Variants in VPS13B observed in about 807,000 individuals in gnomAD.
VPS13B encodes intermembrane lipid transfer protein VPS13B.
A neutral mutation model predicts 426.4 loss-of-function variants in VPS13B; 285 were observed. The observed-to-expected ratio is 0.67, with a 90% CI of 0.61 to 0.74. The LOEUF (loss-of-function observed/expected upper bound fraction) is 0.74, where lower values mean the gene tolerates loss of function less well. Ranked by LOEUF, VPS13B falls within the 30% of genes least tolerant of loss-of-function variation. The pLI, the probability that VPS13B is intolerant of heterozygous loss-of-function variation, is 0.00. For missense variants in VPS13B, 4,537 were observed against 4,782.6 expected (o/e 0.95, Z 1.51); for synonymous variants, 1,676 against 1,676.4 (o/e 1.00, Z 0.01).
At chr8:99,824,374 G>A (rs1814545906) in intron 51 of VPS13B, among the ~76,000 whole-genome samples, 1 of 152,208 alleles carries the variant, frequency 6.6e-6, no homozygotes, top group Non-Finnish European at 1.5e-5. Flanking sequence ...CAGGCAAAAG[G>A]CTAGGGCCTA....
At chr8:99,681,031 A>G (rs957121406) in intron 35 of VPS13B, among the ~76,000 whole-genome samples, 9 of 152,052 alleles carry the variant, frequency 5.9e-5, no homozygotes. Context: ...ATTTTTGCAT[A>G]TTTTTTTCTA....
Position 99,871,573 on chromosome 8 carries a change from G to A in VPS13B, c.11621G>A (p.Ser3874Asn). The A allele has an allele frequency of 6.2e-7, 1 of 1,614,240 alleles. No individual in the cohort carries two copies. The highest frequency in any genetic ancestry group is 1.1e-5 in the South Asian group (1 of 91,086). The part of the protein sequence containing the change: ...LLTSEVLFVV[S>N]VSEDTQQQAF... ...ACATCAGAAGTGCTCTTCGTGGTGA[G>A]TGTCAGTGAGGACACACAGCAGCAG... is the stretch of plus-strand genomic sequence containing the variant. The change falls in exon 61 of 62, where the codon AGT (serine) becomes AAT (asparagine). Residue 3874 changes from serine to asparagine, a missense_variant. By Grantham distance (46) the Ser-to-Asn change is conservative. This residue lies in a region of VPS13B where 4,311 missense variants were observed against 4,474.3 expected (regional missense o/e 0.96). Transcript: ENST00000357162.
intron 21 of VPS13B, among the ~76,000 whole-genome samples, chr8:99,418,608 G>C (rs1292943144): frequency 1.3e-5 from 2 of 150,454 alleles, no homozygotes; most frequent in African/African-American, 4.9e-5. Flanking sequence ...GAGTGCATTG[G>C]TCCCATCTCA....
Position 99,413,306 on chromosome 8 carries a change from A to G in VPS13B, c.3083-18231A>G, listed in dbSNP as rs117359768. Among the ~76,000 whole-genome samples, 468 of 152,174 alleles carry G rather than the reference A, an allele frequency of 3.1e-3. 16 individuals carry two copies. In the East Asian group the frequency reaches 0.05, roughly 16 times the overall value. On this transcript the variant is annotated intron_variant, in intron 21 of 61. Coordinates refer to ENST00000357162, the MANE Select transcript of VPS13B (RefSeq NM_152564.5). ...TCTTGGGAGGGTGTATATGTCCACA[A>G]ATTTGTCCATTTCTTCTAGATTTTC...
At position 99,115,953 on chromosome 8, in the gene VPS13B, G is replaced by A. The variant is rs1394875559; in HGVS notation, c.937+79G>A. On this transcript the variant is annotated intron_variant, in intron 7 of 61. Transcript: ENST00000357162. ...TTACCATTGGGAAACTTTAAAAAAT[G>A]TATTAGCTTGAGTTTTACAGTATTC... 8.4e-6 allele frequency: 12 copies of A among 1,428,678 alleles called. No homozygotes were observed. In the East Asian group the frequency reaches 9.3e-5, roughly 11 times the overall value. The allele number at this position is 1,428,678 out of a possible 1,614,324, so 88.5% of individuals were successfully genotyped here. A position where few individuals can be genotyped will look rare whatever the true frequency, so the allele number is the denominator to read the frequency against.
intron 19 of VPS13B, among the ~76,000 whole-genome samples, chr8:99,337,915 T>G (rs1210171308): frequency 6.6e-6 from 1 of 152,136 alleles, no homozygotes; most frequent in Admixed American, 6.5e-5. Context: ...TTTTGTTTTT[T>G]TTTTCTCATT....
chr8:99,283,410 A>G (rs1317479092), intron 19 of VPS13B, among the ~76,000 whole-genome samples: 1 of 152,148 alleles, frequency 6.6e-6, no homozygotes, highest in Non-Finnish European at 1.5e-5. Context: ...TTTTGGTGCA[A>G]AAAATCTTAT....
chr8:99,853,985 C>T lies in VPS13B; in HGVS notation c.10596C>T (p.His3532=), dbSNP rs909839739. The change falls in exon 56 of 62, where the codon CAC becomes CAT. Residue 3532 remains histidine, a synonymous_variant. Coordinates refer to ENST00000357162, the MANE Select transcript of VPS13B (RefSeq NM_152564.5). ...TYLPNSRLAG[H]STHLSGGKQV... The stretch of plus-strand genomic sequence containing the variant: ...TTCCTAACAGCAGGTTGGCTGGTCA[C>T]TCCACACACCTCTCCGGGGGTAAAC... 1 of 1,614,248 alleles carries T rather than the reference C, an allele frequency of 6.2e-7. No individual in the cohort carries two copies.
chr8:99,563,329 A>G (rs191020870), intron 31 of VPS13B, among the ~76,000 whole-genome samples: 1 of 152,324 alleles, frequency 6.6e-6, no homozygotes, highest in Non-Finnish European at 1.5e-5. Context: ...TTGCTATTTA[A>G]CTATTAGAAT....
chr8:99,242,335 T>A (rs1419961126), intron 17 of VPS13B, among the ~76,000 whole-genome samples: 1 of 152,240 alleles, frequency 6.6e-6, no homozygotes, highest in Non-Finnish European at 1.5e-5. Flanking sequence ...TGAATCATTT[T>A]CAAAAATATT....
chr8:99,649,672 T>C (rs1829728450), intron 34 of VPS13B, among the ~76,000 whole-genome samples: 1 of 151,400 alleles, frequency 6.6e-6, no homozygotes, highest in Non-Finnish European at 1.5e-5. Flanking sequence ...ACATTGGATA[T>C]TGGGTCCACC....
At chr8:99,517,748 A>C (rs1385606848) in intron 29 of VPS13B, among the ~76,000 whole-genome samples, 1 of 152,158 alleles carries the variant, frequency 6.6e-6, no homozygotes, top group Non-Finnish European at 1.5e-5. Context: ...GCAAGGAAGG[A>C]AGGCATTCAT....
At chr8:99,087,862 C>A (rs1845920822) in intron 3 of VPS13B, among the ~76,000 whole-genome samples, 1 of 151,968 alleles carries the variant, frequency 6.6e-6, no homozygotes, top group Non-Finnish European at 1.5e-5. Flanking sequence ...TATGTCATGC[C>A]TTTACTAGAA....
chr8:99,166,790 T>C (rs889725921), intron 15 of VPS13B, among the ~76,000 whole-genome samples: 1 of 152,192 alleles, frequency 6.6e-6, no homozygotes, highest in Non-Finnish European at 1.5e-5. Context: ...CTGAAGGACT[T>C]ACTCTTACTG....
At chr8:99,793,986 T>C (rs1011695798) in intron 43 of VPS13B, among the ~76,000 whole-genome samples, 2 of 152,184 alleles carry the variant, frequency 1.3e-5, no homozygotes, top group Non-Finnish European at 2.9e-5. Flanking sequence ...CTGGGTGCAG[T>C]GGTGCTTCAC....
At chr8:99,126,790 T>G (rs1486304824) in intron 8 of VPS13B, among the ~76,000 whole-genome samples, 1 of 152,196 alleles carries the variant, frequency 6.6e-6, no homozygotes, top group Non-Finnish European at 1.5e-5. Context: ...GGGATATGCT[T>G]CTTTTTCTTT....
intron 16 of VPS13B, among the ~76,000 whole-genome samples, chr8:99,190,554 C>G (rs981292056): frequency 5.3e-5 from 8 of 152,008 alleles, no homozygotes; most frequent in African/African-American, 1.4e-4. Flanking sequence ...TCCACTCTGT[C>G]TACACTATTG....
At chr8:99,118,689 A>G (rs1338589434) in intron 7 of VPS13B, among the ~76,000 whole-genome samples, 1 of 152,184 alleles carries the variant, frequency 6.6e-6, no homozygotes, top group Admixed American at 6.5e-5. Flanking sequence ...TGTGTTTGGT[A>G]TTTATCTATG....
chr8:99,354,359 C>G (rs1812070143), intron 19 of VPS13B, among the ~76,000 whole-genome samples: 1 of 125,208 alleles, frequency 8.0e-6, no homozygotes, highest in Non-Finnish European at 1.6e-5. Flanking sequence ...TCCCAGGATA[C>G]AAAGAAATGG....
Sources: allele counts gnomAD v4.1 joint callset (sites outside exome capture counted in the v4.1 genomes callset), GRCh38; gene constraint gnomAD v4.1.1; regional missense constraint gnomAD v4.1.1; transcripts MANE v1.5; gene names NCBI Gene and HGNC (gene_info 2026-07-23, HGNC 2026-07-21).